Variants in CD74 observed in about 807,000 individuals in gnomAD.
The protein encoded by CD74 is HLA class II histocompatibility antigen gamma chain.
CD74 carries 20 observed loss-of-function variants against 37.1 expected under a neutral mutation model. The ratio of observed to expected loss-of-function variants is 0.54; its 90% CI spans 0.38 to 0.78. CD74 has a LOEUF of 0.78. Among genes scored for constraint, CD74 ranks in the 30% least tolerant of loss-of-function variants. CD74 has a pLI of 0.00. For missense variants in CD74, 338 were observed against 389.5 expected (o/e 0.87, Z 1.11); for synonymous variants, 150 against 152.0 (o/e 0.99, Z 0.10).
At position 150,406,909 on chromosome 5, in the gene CD74, G is replaced by A. The variant is rs1384187066; in HGVS notation, c.350C>T (p.Ala117Val). Reference sequence around the variant, plus strand: ...CTGGGGCAGGGCTCCCATGGGCAGCGCCTGCATCAGCAGCGGGGTGGCCAT... The same window carrying A: ...CTGGGGCAGGGCTCCCATGGGCAGCACCTGCATCAGCAGCGGGGTGGCCAT... ...MRMATPLLMQ[A>V]LPMGALPQGP... The change falls in exon 3 of 9, where the codon GCG becomes GTG. Residue 117 changes from alanine to valine, a missense_variant. Physicochemically the swap from Ala to Val is moderately conservative, Grantham distance 64. Transcript: ENST00000009530. 7.8e-6 allele frequency: 12 copies of A among 1,529,462 alleles called. No individual in the cohort carries two copies. The highest frequency in any genetic ancestry group is 2.3e-5 in the Admixed American group (1 of 42,582). The allele number at this position is 1,529,462 out of a possible 1,614,324, so 94.7% of individuals were successfully genotyped here. A position where few individuals can be genotyped will look rare whatever the true frequency, so the allele number is the denominator to read the frequency against.
rs1261065179 is a variant in CD74 at position 150,402,269 on chromosome 5, G to A, written c.881-19C>T. 6.4e-7 allele frequency: 1 copy of A among 1,570,716 alleles called. No homozygotes were observed. Among genetic ancestry groups the A allele is most frequent in the Non-Finnish European group, 8.7e-7 (1 of 1,148,176 alleles). Reference sequence around the variant, plus strand: ...ATGGGGACTGGAGAGAGAAGCAGCAGGTTGAGGTTGGGGTCACCCATTTGT... The same window carrying A: ...ATGGGGACTGGAGAGAGAAGCAGCAAGTTGAGGTTGGGGTCACCCATTTGT... On this transcript the variant is annotated intron_variant, in intron 8 of 8. Transcript: ENST00000009530. This position sits in a 1 kb window ranked among gnomAD's most constrained non-coding sequence, Gnocchi z 4.2.
At chr5:150,411,728 C>G (rs2151186313) in intron 1 of CD74, among the ~76,000 whole-genome samples, 1 of 152,282 alleles carries the variant, frequency 6.6e-6, no homozygotes, top group Non-Finnish European at 1.5e-5. Context: ...GAGCCCCCTC[C>G]AGAAATTTAA....
intron 1 of CD74, among the ~76,000 whole-genome samples, chr5:150,411,118 A>T (rs985803558): frequency 2.6e-5 from 4 of 152,244 alleles, no homozygotes; most frequent in Non-Finnish European, 4.4e-5. Context: ...GTAAAAAGGG[A>T]CAACAAAAGT....
rs1032172339 is a variant in CD74 at position 150,407,416 on chromosome 5, C to T, written c.126-92G>A. 8 of 995,936 alleles carry T rather than the reference C, an allele frequency of 8.0e-6. No homozygotes were observed. Among genetic ancestry groups the T allele is most frequent in the Non-Finnish European group, 1.2e-5 (8 of 679,806 alleles). The allele number at this position is 995,936 out of a possible 1,614,324, so 61.7% of individuals were successfully genotyped here. ...GGAATGGGGAAATGTATACCCCCATCTCCATTAGACCCCTAAGCCACCCCT... is the reference window on the plus strand; with the variant it reads ...GGAATGGGGAAATGTATACCCCCATTTCCATTAGACCCCTAAGCCACCCCT... On this transcript the variant is annotated intron_variant, in intron 1 of 8. Transcript: ENST00000009530. The surrounding 1 kb of genome is among the most constrained non-coding windows in gnomAD (Gnocchi z 4.4).
At position 150,407,876 on chromosome 5, in the gene CD74, CT is replaced by C. The variant is rs1457040096; in HGVS notation, c.126-553del. On this transcript the variant is annotated intron_variant, in intron 1 of 8. Coordinates refer to ENST00000009530, the MANE Select transcript of CD74 (RefSeq NM_001025159.3). The surrounding 1 kb of genome is among the most constrained non-coding windows in gnomAD (Gnocchi z 4.4). ...TTATGCCATTCTCCTTCCTCAGCCT[CT>C]CCGAGTAGCTGGGACTACAGGCACC... is the stretch of plus-strand genomic sequence containing the variant. 6.6e-6 allele frequency among the ~76,000 whole-genome samples: 1 copy of C among 152,092 alleles called. No individual in the cohort carries two copies. Among genetic ancestry groups the C allele is most frequent in the Non-Finnish European group, 1.5e-5 (1 of 68,020 alleles).
At chr5:150,412,462 C>G (rs1193140520) in intron 1 of CD74, among the ~76,000 whole-genome samples, 163 bp downstream of exon 1, 1 of 152,146 alleles carries the variant, frequency 6.6e-6, no homozygotes, top group Non-Finnish European at 1.5e-5. Context: ...AGCCGGAGCC[C>G]AGAGCAGGCC....
At chr5:150,404,951 G>T in intron 5 of CD74, 134 bp downstream of exon 5, 2 of 925,318 alleles carry the variant, frequency 2.2e-6, no homozygotes, top group African/African-American at 1.7e-5. Flanking sequence ...GCAGCATCCA[G>T]GTTTTGGAAG....
intron 1 of CD74, among the ~76,000 whole-genome samples, chr5:150,409,499 C>G (rs1443906531): frequency 3.3e-5 from 5 of 151,688 alleles, no homozygotes; most frequent in African/African-American, 1.2e-4. Context: ...TGCACTCCAG[C>G]CTGGGCAACA....
rs1043374883 is a variant in CD74, at chr5:150,407,823, G to A, written c.126-499C>T. Among the ~76,000 whole-genome samples the A allele has an allele frequency of 3.9e-5, 6 of 152,046 alleles. No individual in the cohort carries two copies. In the East Asian group the frequency reaches 5.8e-4, roughly 15 times the overall value. ...GGCTGGAGTGCAGTGGCGCGATCTCGGCTCACTGCAACCTCCACCTCCTGG... is the reference window on the plus strand; with the variant it reads ...GGCTGGAGTGCAGTGGCGCGATCTCAGCTCACTGCAACCTCCACCTCCTGG... On this transcript the variant is annotated intron_variant, in intron 1 of 8. Transcript: ENST00000009530. This position sits in a 1 kb window ranked among gnomAD's most constrained non-coding sequence, Gnocchi z 4.4.
chr5:150,406,421 G>A (rs997957693), intron 3 of CD74, 100 bp from the exon 4 acceptor site: 69 of 892,614 alleles, frequency 7.7e-5, no homozygotes, highest in Admixed American at 1.4e-4. Flanking sequence ...GACTGGAATC[G>A]CAGGCACTTG....
chr5:150,405,294 C>T, intron 4 of CD74, 114 bp from the exon 5 acceptor site: 2 of 1,449,630 alleles, frequency 1.4e-6, no homozygotes, highest in Middle Eastern at 2.1e-4. Flanking sequence ...ACCAGAGCTA[C>T]ACCAAGCCTA....
chr5:150,406,233 C>A, intron 4 of CD74, 26 bp downstream of exon 4: 1 of 1,604,276 alleles, frequency 6.2e-7, no homozygotes. Flanking sequence ...GCAGGCAGGA[C>A]CACCCAGCTA....
At position 150,412,651 on chromosome 5, in the gene CD74, C is replaced by G; in HGVS notation, c.99G>C (p.Leu33=). The G allele has an allele frequency of 6.2e-7, 1 of 1,613,798 alleles. No individual in the cohort carries two copies. The highest frequency in any genetic ancestry group is 8.5e-7 in the Non-Finnish European group (1 of 1,179,998). Residue 33 remains leucine, a synonymous_variant, in exon 1 of 9, where the codon CTG becomes CTC. Transcript: ENST00000009530. ...LISNNEQLPM[L]GRRPGAPESK... The stretch of plus-strand genomic sequence containing the variant: ...TCTCCGGGGCCCCAGGGCGCCGGCC[C>G]AGCATGGGCAGTTGCTCATTGTTGG...
In CD74 at chr5:150,407,090, C is replaced by A. The variant is rs13354393; in HGVS notation, c.298+62G>T. On this transcript the variant is annotated intron_variant, in intron 2 of 8. Transcript: ENST00000009530. The surrounding 1 kb of genome is among the most constrained non-coding windows in gnomAD (Gnocchi z 4.4). ...GTGGGCCCAGCTGGGTGCAGGGATGCGGGTCTCTGAGTTGAGGGATGGTGG... is the reference window on the plus strand; with the variant it reads ...GTGGGCCCAGCTGGGTGCAGGGATGAGGGTCTCTGAGTTGAGGGATGGTGG... 3.7e-3 allele frequency: 5,892 copies of A among 1,577,434 alleles called. 215 individuals are homozygous for A. The African/African-American group carries it at 0.071, about 19-fold the overall frequency.
At chr5:150,409,543 A>G (rs1770205795) in intron 1 of CD74, among the ~76,000 whole-genome samples, 1 of 150,326 alleles carries the variant, frequency 6.7e-6, no homozygotes, top group African/African-American at 2.5e-5. Flanking sequence ...AAAAGAAAAA[A>G]TTAGCCGGGC....
chr5:150,404,996 T>C, intron 5 of CD74, 89 bp downstream of exon 5: 3 of 1,247,256 alleles, frequency 2.4e-6, no homozygotes, highest in Non-Finnish European at 3.5e-6. Flanking sequence ...TGAGAATGGC[T>C]TCCCCAGCCC....
intron 1 of CD74, among the ~76,000 whole-genome samples, chr5:150,409,704 C>CAAAAAAA (rs755621804): frequency 1.7e-4 from 15 of 89,478 alleles, no homozygotes; most frequent in South Asian, 3.7e-4. Context: ...AAAAACATAA[C>CAAAAAAA]AAAAAAAAAA....
At position 150,406,332 on chromosome 5, in the gene CD74, A is replaced by G. The variant is rs780203298; in HGVS notation, c.379-11T>C. ...GGCATTCTGCATGGGCTGTGGGAGG[A>G]AGTAACAGAAGGTTACCAGAGCTGG... On this transcript the variant is annotated splice_polypyrimidine_tract_variant and intron_variant, in intron 3 of 8. Coordinates refer to ENST00000009530, the MANE Select transcript of CD74 (RefSeq NM_001025159.3). The G allele has an allele frequency of 5.0e-6, 8 of 1,611,602 alleles. No homozygotes were observed. The African/African-American group carries it at 1.1e-4, about 22-fold the overall frequency.
chr5:150,411,880 A>G (rs1445338951), intron 1 of CD74, among the ~76,000 whole-genome samples: 3 of 152,252 alleles, frequency 2.0e-5, no homozygotes, highest in African/African-American at 4.8e-5. Flanking sequence ...TCCTCTGTGA[A>G]GAACTGCTTC....
Sources: gnomAD v4.1 joint callset for allele counts (sites outside exome capture counted in the v4.1 genomes callset) on GRCh38, gnomAD v4.1.1 for gene constraint, Gnocchi (gnomAD v3.1) non-coding constraint, MANE v1.5 for transcripts, NCBI Gene and HGNC (gene_info 2026-07-23, HGNC 2026-07-21) for gene names.